MB: variants seen among roughly 807,000 people sequenced by gnomAD.
MB encodes myoglobin, also known as nitrite reductase MB.
A neutral mutation model predicts 14.5 loss-of-function variants in MB; 10 were observed. The observed-to-expected ratio is 0.69, with a 90% CI of 0.43 to 1.17. The LOEUF is 1.17. MB is among the 50% of genes most tolerant of loss of function. The pLI, the probability that MB is intolerant of heterozygous loss-of-function variation, is 0.00. For synonymous variants in MB, 89 were observed against 78.6 expected, an observed-to-expected ratio of 1.13 and a Z score of -0.70; for missense variants, 169 against 192.7, an observed-to-expected ratio of 0.88 and a Z score of 0.73.
upstream of MB, among the ~76,000 whole-genome samples, chr22:35,620,650 G>A (rs1010689274): frequency 2.6e-5 from 4 of 152,228 alleles, no homozygotes; most frequent in Admixed American, 2.6e-4. Context: ...CGCTGGGGAA[G>A]GCCAAGAGGC....
intron 1 of MB, among the ~76,000 whole-genome samples, chr22:35,615,976 A>G (rs1427049344): frequency 6.6e-6 from 1 of 152,204 alleles, no homozygotes; most frequent in Non-Finnish European, 1.5e-5. Flanking sequence ...AGCTTCCAGG[A>G]CCAGCCATGC....
chr22:35,607,539 G>C, intron 2 of MB, 96 bp from the exon 3 acceptor site: 1 of 1,286,632 alleles, frequency 7.8e-7, no homozygotes, highest in Non-Finnish European at 1.1e-6. Flanking sequence ...CTTTATTCCA[G>C]GACCGTGTAT....
At position 35,611,072 on chromosome 22, in the gene MB, A is replaced by G. The variant is rs1345823750; in HGVS notation, c.130T>C (p.Phe44Leu). 6.2e-7 allele frequency: 1 copy of G among 1,613,958 alleles called. No homozygotes were observed. The highest frequency in any genetic ancestry group is 2.2e-5 in the East Asian group (1 of 44,868). The change falls in exon 2 of 3, where the codon TTT becomes CTT. Residue 44 changes from phenylalanine to leucine, a missense_variant. Physicochemically the swap from Phe to Leu is conservative, Grantham distance 22. Transcript: ENST00000397326. ...GACTTCAGGTGCTTGAACTTGTCAA[A>G]CTTCTCCAGAGTCTCTGGGTGACCC... Reference protein sequence around the residue: ...FKGHPETLEKFDKFKHLKSED... With the variant: ...FKGHPETLEKLDKFKHLKSED...
intron 2 of MB, among the ~76,000 whole-genome samples, chr22:35,610,312 C>T (rs1019118229): frequency 6.6e-6 from 1 of 152,204 alleles, no homozygotes; most frequent in Non-Finnish European, 1.5e-5. Context: ...GAGGTCCTGT[C>T]TCTTCATCTG....
upstream of MB, among the ~76,000 whole-genome samples, chr22:35,620,367 C>G (rs1414092706): frequency 1.3e-5 from 2 of 152,176 alleles, no homozygotes; most frequent in Admixed American, 1.3e-4. Flanking sequence ...CAAAGGGGAT[C>G]TCATTCATTC....
chr22:35,618,021 T>G (rs906782405), upstream of MB, among the ~76,000 whole-genome samples: 6 of 152,238 alleles, frequency 3.9e-5, no homozygotes, highest in African/African-American at 1.4e-4. Flanking sequence ...TCCTATTTCC[T>G]GGTTTTCATG....
chr22:35,612,851 T>C (rs917403300), intron 1 of MB, among the ~76,000 whole-genome samples: 12 of 152,142 alleles, frequency 7.9e-5, no homozygotes, highest in African/African-American at 2.9e-4. Flanking sequence ...CACAGATGTG[T>C]GTGCACACTC....
At chr22:35,621,203 C>T (rs562699482), upstream of MB, among the ~76,000 whole-genome samples, 47 of 152,316 alleles carry the variant, frequency 3.1e-4, 1 homozygote, top group South Asian at 1.9e-3. Flanking sequence ...CAGCCTTACA[C>T]GCTCATGCTA....
At chr22:35,610,722 G>A (rs960986659) in intron 2 of MB, among the ~76,000 whole-genome samples, 162 bp downstream of exon 2, 4 of 152,190 alleles carry the variant, frequency 2.6e-5, no homozygotes, top group African/African-American at 9.7e-5. Context: ...GGAAGGCAAA[G>A]TGGGTGGCAG....
At chr22:35,617,019 C>G in intron 1 of MB, 144 bp downstream of exon 1, 1 of 648,216 alleles carries the variant, frequency 1.5e-6, no homozygotes, top group African/African-American at 1.8e-5. Context: ...CACTTAAAAG[C>G]AAAGAAAAAG....
At position 35,610,913 on chromosome 22, in the gene MB, T is replaced by C. The variant is rs777940900; in HGVS notation, c.289A>G (p.Lys97Glu). ...IKPLAQSHATKHKIPVKYLEF... is the reference protein window; with the variant it reads ...IKPLAQSHATEHKIPVKYLEF... ...AGGTACTTCACGGGGATCTTGTGCT[T>C]GGTGGCATGCGACTGTGCCAGGGGC... Residue 97 changes from lysine to glutamate, a missense_variant, in exon 2 of 3, where the codon AAG (lysine) becomes GAG (glutamate). Physicochemically the swap from Lys to Glu is moderately conservative, Grantham distance 56. Coordinates refer to ENST00000397326, the MANE Select transcript of MB (RefSeq NM_005368.3). 6.2e-7 allele frequency: 1 copy of C among 1,614,038 alleles called. No individual in the cohort carries two copies. Among genetic ancestry groups the C allele is most frequent in the African/African-American group, 1.3e-5 (1 of 74,938 alleles).
upstream of MB, among the ~76,000 whole-genome samples, chr22:35,621,057 G>T (rs1306819931): frequency 6.6e-6 from 1 of 152,188 alleles, no homozygotes; most frequent in East Asian, 1.9e-4. Flanking sequence ...CCTCACAGTT[G>T]CTATGGCTAC....
chr22:35,610,849 C>T, intron 2 of MB, 35 bp downstream of exon 2: 3 of 1,552,552 alleles, frequency 1.9e-6, no homozygotes, highest in Non-Finnish European at 2.6e-6. Flanking sequence ...GAGGCCTTCC[C>T]CGCATCCTCC....
At chr22:35,619,074 A>G (rs1569123029), upstream of MB, among the ~76,000 whole-genome samples, 1 of 152,158 alleles carries the variant, frequency 6.6e-6, no homozygotes, top group Admixed American at 6.6e-5. Flanking sequence ...CCACCCATCC[A>G]TCCATCCCTC....
At chr22:35,619,060 A>G (rs1923298246), upstream of MB, among the ~76,000 whole-genome samples, 2 of 150,180 alleles carry the variant, frequency 1.3e-5, no homozygotes, top group African/African-American at 4.9e-5. Flanking sequence ...ATCCATCTGT[A>G]ACTCCACCCA....
At chr22:35,619,109 G>C (rs1923301318), upstream of MB, among the ~76,000 whole-genome samples, 1 of 152,182 alleles carries the variant, frequency 6.6e-6, no homozygotes, top group African/African-American at 2.4e-5. Flanking sequence ...CACCTACTGT[G>C]TGTCAGACAC....
At position 35,607,275 on chromosome 22, in the gene MB, TG is replaced by T. The variant is rs1569117688; in HGVS notation, c.*21del. 1.3e-6 allele frequency: 2 copies of T among 1,595,726 alleles called. No individual in the cohort carries two copies. Among genetic ancestry groups the T allele is most frequent in the South Asian group, 1.1e-5 (1 of 90,056 alleles). On this transcript the variant is annotated 3_prime_UTR_variant, in exon 3 of 3. Transcript: ENST00000397326. ...CTCTTGAACCCGGGGCCCAGATGGG[TG>T]GGGGTGGGAGCGGCAGGGGCCTAGC...
Position 35,612,915 on chromosome 22 carries a change from C to T in MB, c.96-1809G>A, listed in dbSNP as rs186543174. On this transcript the variant is annotated intron_variant, in intron 1 of 2. Coordinates refer to ENST00000397326, the MANE Select transcript of MB (RefSeq NM_005368.3). The stretch of plus-strand genomic sequence containing the variant: ...GTACACATAAATATATCCCAGCACA[C>T]GCCATACTCACCTGCACACACACAC... Among the ~76,000 whole-genome samples, 419 of 152,262 alleles carry T rather than the reference C, an allele frequency of 2.8e-3. 1 individual carries two copies. The highest frequency in any genetic ancestry group is 3.7e-3 in the Non-Finnish European group (250 of 68,004).
At position 35,617,292 on chromosome 22, in the gene MB, G is replaced by A; in HGVS notation, c.-35C>T. ...TGAAGAAGACAAAAAGAGCAAGTAT[G>A]GGCTCACTGGGTGTCCTGGCCCCAA... On this transcript the variant is annotated 5_prime_UTR_variant, in exon 1 of 3. Transcript: ENST00000397326. 2 of 1,541,970 alleles carry A rather than the reference G, an allele frequency of 1.3e-6. No individual in the cohort carries two copies. The highest frequency in any genetic ancestry group is 1.8e-6 in the Non-Finnish European group (2 of 1,114,464).
Sources: gnomAD v4.1 joint callset for allele counts (sites outside exome capture counted in the v4.1 genomes callset) on GRCh38, gnomAD v4.1.1 for gene constraint, MANE v1.5 for transcripts, NCBI Gene and HGNC (gene_info 2026-07-23, HGNC 2026-07-21) for gene names.